The following FBLN2 variants were observed in gnomAD, a reference collection of about 807,000 sequenced individuals.
FBLN2 encodes fibulin 2.
A neutral mutation model predicts 123.7 loss-of-function variants in FBLN2; 81 were observed. That is an observed-to-expected ratio of 0.65 (90% CI 0.55 to 0.79). The LOEUF is 0.79. Among genes scored for constraint, FBLN2 ranks in the 30% least tolerant of loss-of-function variants. The probability of loss-of-function intolerance (pLI) is 0.00; values close to 1 mark genes in which losing one functional copy is unlikely to be tolerated. For synonymous variants in FBLN2, 699 were observed against 701.4 expected (o/e 1.00, Z 0.05); for missense variants, 1,603 against 1,681.3 (o/e 0.95, Z 0.81).
At position 13,617,610 on chromosome 3, in the gene FBLN2, T is replaced by TCCATCCATCCAC. The variant is rs1705670969; in HGVS notation, c.1730-458_1730-447dup. On this transcript the variant is annotated intron_variant, in intron 5 of 17. Coordinates refer to ENST00000404922, the MANE Select transcript of FBLN2 (RefSeq NM_001004019.2). ...ATCCATCCATCCATCCATCCATCCA[T>TCCATCCATCCAC]CCATCCATCCACCCATCCACCCACC... 4.5e-4 allele frequency among the ~76,000 whole-genome samples: 51 copies of TCCATCCATCCAC among 112,784 alleles called. 1 individual carries two copies. The highest frequency in any genetic ancestry group is 7.0e-5 in the Non-Finnish European group (4 of 56,852). The allele number at this position is 112,784 out of a possible 152,430, so 74.0% of individuals were successfully genotyped here. A position where few individuals can be genotyped will look rare whatever the true frequency, so the allele number is the denominator to read the frequency against.
intron 4 of FBLN2, among the ~76,000 whole-genome samples, chr3:13,611,886 C>T (rs1232500458): frequency 6.6e-6 from 1 of 152,110 alleles, no homozygotes; most frequent in Admixed American, 6.6e-5. Flanking sequence ...TCAGGTGCCC[C>T]AGTGAACATG....
chr3:13,614,370 C>T (rs1246541107), intron 5 of FBLN2, among the ~76,000 whole-genome samples: 1 of 152,152 alleles, frequency 6.6e-6, no homozygotes, highest in Non-Finnish European at 1.5e-5. Context: ...ATCACCCTTT[C>T]ACTGTCCACT....
In FBLN2 at chr3:13,624,745, C is replaced by T. The variant is rs1438755134; in HGVS notation, c.2297-1700C>T. 3.3e-5 allele frequency among the ~76,000 whole-genome samples: 5 copies of T among 152,248 alleles called. No homozygotes were observed. The East Asian group carries it at 5.8e-4, about 18-fold the overall frequency. ...CCTCCACCTGCCTGTCCTTGAGGGC[C>T]GGGGCTGGGGCCGACACACCCACTT... On this transcript the variant is annotated intron_variant, in intron 9 of 17. Transcript: ENST00000404922.
intron 11 of FBLN2, 51 bp from the exon 12 acceptor site, chr3:13,628,854 C>A: frequency 1.1e-5 from 18 of 1,593,166 alleles, no homozygotes; most frequent in Non-Finnish European, 1.5e-5. Flanking sequence ...GGGGCTGGGG[C>A]CTGGGAGGAC....
At chr3:13,623,436 T>C (rs3773260) in intron 9 of FBLN2, among the ~76,000 whole-genome samples, 33,806 of 152,024 alleles carry the variant, frequency 0.22, 4,040 homozygotes, top group Non-Finnish European at 0.24. Flanking sequence ...TGCATTCCTT[T>C]CTTTCTTTCC....
intron 1 of FBLN2, among the ~76,000 whole-genome samples, chr3:13,558,628 C>G (rs1438695820): frequency 4.6e-5 from 7 of 151,934 alleles, no homozygotes; most frequent in Non-Finnish European, 2.9e-5. Context: ...TTAATCTACC[C>G]CTCTCCACTC....
intron 5 of FBLN2, among the ~76,000 whole-genome samples, chr3:13,615,289 G>C (rs1421659113): frequency 6.6e-6 from 1 of 152,244 alleles, no homozygotes; most frequent in Non-Finnish European, 1.5e-5. Flanking sequence ...CTTTGTTGGT[G>C]TCCACATGTT....
chr3:13,630,569 C>A, intron 14 of FBLN2, 130 bp from the exon 15 acceptor site: 1 of 678,404 alleles, frequency 1.5e-6, no homozygotes, highest in Non-Finnish European at 2.5e-6. Context: ...GGCAGGAGAG[C>A]TGGCCCTCGC....
chr3:13,608,252 C>A, intron 3 of FBLN2, 79 bp downstream of exon 3: 3 of 1,040,846 alleles, frequency 2.9e-6, no homozygotes, highest in African/African-American at 1.6e-5. Context: ...CCCCAGGCTC[C>A]AGGCAGCCCG....
At position 13,583,894 on chromosome 3, in the gene FBLN2, G is replaced by T. The variant is rs1448584453; in HGVS notation, c.1306+12233G>T. On this transcript the variant is annotated intron_variant, in intron 2 of 17. Coordinates refer to ENST00000404922, the MANE Select transcript of FBLN2 (RefSeq NM_001004019.2). ...CCCCCCTCACCTTTTGGGTGCCAGA[G>T]ATTCAGCAGGAACCACAAAGGTGAA... Among the ~76,000 whole-genome samples, 4 of 152,366 alleles carry T rather than the reference G, an allele frequency of 2.6e-5. No homozygotes were observed. In the South Asian group the frequency reaches 8.3e-4, roughly 32 times the overall value.
chr3:13,570,769 C>A lies in FBLN2; in HGVS notation c.414C>A (p.Gly138=). ...ADSCPQCGQV[G]CVHAGHKYAA... ...GCTGCCCACAGTGCGGCCAGGTGGG[C>A]TGCGTCCACGCGGGCCACAAGTACG... The change falls in exon 2 of 18, where the codon GGC becomes GGA. Residue 138 remains glycine, a synonymous_variant. Transcript: ENST00000404922. The A allele has an allele frequency of 6.2e-7, 1 of 1,601,096 alleles. No individual in the cohort carries two copies. The highest frequency in any genetic ancestry group is 8.5e-7 in the Non-Finnish European group (1 of 1,174,784).
chr3:13,627,240 G>A (rs1457898765), intron 10 of FBLN2, among the ~76,000 whole-genome samples: 4 of 152,116 alleles, frequency 2.6e-5, no homozygotes, highest in African/African-American at 4.8e-5. Flanking sequence ...AGGGGGCAGC[G>A]TGCCAAGGCC....
In FBLN2 at chr3:13,629,288, C is replaced by T. The variant is rs772237008; in HGVS notation, c.2838C>T (p.Cys946=). 6.2e-6 allele frequency: 10 copies of T among 1,607,400 alleles called. No individual in the cohort carries two copies. The Admixed American group carries it at 1.5e-4, about 24-fold the overall frequency. ...AGCGGGATGCCTTTGGCCGGGGCTG[C>T]ATCGGTAGGTAGGCTGGTGGCCAGG... is the stretch of plus-strand genomic sequence containing the variant. The part of the protein sequence containing the change: ...GFQRDAFGRG[C]IDVNECWASP... The change falls in exon 13 of 18, where the codon TGC becomes TGT. Residue 946 remains cysteine, a synonymous_variant. Coordinates refer to ENST00000404922, the MANE Select transcript of FBLN2 (RefSeq NM_001004019.2).
intron 1 of FBLN2, among the ~76,000 whole-genome samples, chr3:13,556,939 C>CA (rs1703479562): frequency 6.6e-6 from 1 of 152,242 alleles, no homozygotes; most frequent in Non-Finnish European, 1.5e-5. Context: ...AGGACTCCCT[C>CA]ACGCCCCATC....
At chr3:13,617,206 C>G (rs577376928) in intron 5 of FBLN2, among the ~76,000 whole-genome samples, 5 of 151,702 alleles carry the variant, frequency 3.3e-5, no homozygotes, top group Non-Finnish European at 5.9e-5. Flanking sequence ...ATCCATCTAC[C>G]TACCTACCAG....
At chr3:13,599,707 A>G (rs911767503) in intron 2 of FBLN2, among the ~76,000 whole-genome samples, 20 of 150,416 alleles carry the variant, frequency 1.3e-4, no homozygotes, top group Non-Finnish European at 1.8e-4. Flanking sequence ...GAGGCGGGGG[A>G]TGAGGGATTG....
intron 16 of FBLN2, among the ~76,000 whole-genome samples, chr3:13,635,821 G>A (rs940180377): frequency 3.9e-5 from 6 of 152,144 alleles, no homozygotes; most frequent in African/African-American, 1.2e-4. Context: ...CCCAGGTTGA[G>A]GGGGGACGGT....
intron 2 of FBLN2, among the ~76,000 whole-genome samples, chr3:13,597,848 C>T (rs967100961): frequency 6.6e-6 from 1 of 152,196 alleles, no homozygotes; most frequent in Non-Finnish European, 1.5e-5. Flanking sequence ...TGAAGTCAAC[C>T]GTGGCAGTGT....
At chr3:13,632,851 A>C in intron 16 of FBLN2, among the ~76,000 whole-genome samples, 2 of 152,298 alleles carry the variant, frequency 1.3e-5, no homozygotes, top group Middle Eastern at 6.8e-3. Context: ...ATTAAAAAAA[A>C]AAAGTCGGTA....
Sources: allele counts gnomAD v4.1 joint callset (sites outside exome capture counted in the v4.1 genomes callset), GRCh38; gene constraint gnomAD v4.1.1; transcripts MANE v1.5; gene names NCBI Gene and HGNC (gene_info 2026-07-23, HGNC 2026-07-21).